XRCC3: variants seen among roughly 807,000 people sequenced by gnomAD.
XRCC3 encodes the protein X-ray repair cross complementing 3.
In XRCC3, 34 loss-of-function variants were observed where a neutral mutation model predicts 29.2. The ratio of observed to expected loss-of-function variants is 1.16; its 90% CI spans 0.88 to 1.55. XRCC3 has a LOEUF of 1.55. Among genes scored for constraint, XRCC3 ranks in the 40% most tolerant of loss-of-function variants. XRCC3 has a pLI of 0.00. For missense variants in XRCC3, 463 were observed against 467.6 expected (o/e 0.99, Z 0.09); for synonymous variants, 223 against 211.3 (o/e 1.06, Z -0.48).
intron 7 of XRCC3, chr14:103,700,743 T>C: frequency 6.4e-7 from 1 of 1,559,724 alleles, no homozygotes; most frequent in Non-Finnish European, 8.7e-7. Flanking sequence ...TCCCACGGCC[T>C]GCAGCCCCAG....
intron 4 of XRCC3, 118 bp downstream of exon 4, chr14:103,710,915 T>C: frequency 1.0e-6 from 1 of 991,312 alleles, no homozygotes; most frequent in East Asian, 2.6e-5. Flanking sequence ...CCGCCCTCGG[T>C]TTAATAATCA....
intron 7 of XRCC3, chr14:103,700,569 C>T: frequency 9.2e-7 from 1 of 1,091,474 alleles, no homozygotes; most frequent in Non-Finnish European, 1.4e-6. Context: ...TCTGCAGCCA[C>T]ACGCTGGTGT....
chr14:103,710,812 GATAAAA>G (rs936952047), intron 4 of XRCC3: 8 of 568,826 alleles, frequency 1.4e-5, no homozygotes, highest in African/African-American at 1.1e-4. Context: ...GTATTACTTT[GATAAAA>G]ATAAAAGTAA....
rs911927033 is a variant in XRCC3, at chr14:103,703,452, C to T, written c.407-125G>A. 1.7e-4 allele frequency: 201 copies of T among 1,189,336 alleles called. 1 individual carries two copies. The highest frequency in any genetic ancestry group is 8.0e-5 in the Admixed American group (4 of 50,210). The allele number at this position is 1,189,336 out of a possible 1,614,324, so 73.7% of individuals were successfully genotyped here. On this transcript the variant is annotated intron_variant, in intron 6 of 9. Transcript: ENST00000555055. ...TGCCCCTCACAGGTTCTTTGCCCCT[C>T]GCCTGGGGAGGGAGGAGGCTGGTGC...
rs2082787261 is a variant in XRCC3, at chr14:103,698,684, CTG to C, written c.*112_*113del. ...AAGTGGAGCCGCTGCCCTGGAAGAG[CTG>C]TGTCTGAACCAGGCTCCCAGCTGTG... is the stretch of plus-strand genomic sequence containing the variant. On this transcript the variant is annotated 3_prime_UTR_variant, in exon 10 of 10. Coordinates refer to ENST00000555055, the MANE Select transcript of XRCC3 (RefSeq NM_005432.4). 4.2e-6 allele frequency: 4 copies of C among 944,612 alleles called. No homozygotes were observed. Among genetic ancestry groups the C allele is most frequent in the African/African-American group, 1.6e-5 (1 of 61,204 alleles). 58.5% of individuals were successfully genotyped at this position (944,612 alleles called of 1,614,324 possible). A position where few individuals can be genotyped will look rare whatever the true frequency, so the allele number is the denominator to read the frequency against.
chr14:103,706,421 C>G, intron 6 of XRCC3: 1 of 456,022 alleles, frequency 2.2e-6, no homozygotes, highest in South Asian at 1.5e-5. Flanking sequence ...CATGTTGACA[C>G]CAGGGAATTA....
chr14:103,706,483 A>C, intron 6 of XRCC3: 2 of 438,636 alleles, frequency 4.6e-6, no homozygotes, highest in South Asian at 3.3e-5. Flanking sequence ...CACAGCTCAC[A>C]GTTTAAAACT....
At chr14:103,709,427 G>T (rs2083550117) in intron 4 of XRCC3, 1 of 155,062 alleles carries the variant, frequency 6.4e-6, no homozygotes, top group African/African-American at 2.4e-5. Flanking sequence ...GCCCCACCCG[G>T]CCACGGGGAC....
chr14:103,703,401 G>GAT (rs1309288742), intron 6 of XRCC3, 74 bp from the exon 7 acceptor site: 1 of 1,459,578 alleles, frequency 6.9e-7, no homozygotes, highest in Non-Finnish European at 9.3e-7. Context: ...ATCAAGTGCA[G>GAT]ATGTCTCCCG....
intron 7 of XRCC3, chr14:103,700,520 G>A: frequency 1.6e-6 from 1 of 623,982 alleles, no homozygotes; most frequent in Non-Finnish European, 2.7e-6. Flanking sequence ...CCAGATGGAG[G>A]CTGCTAAGGG....
At position 103,701,367 on chromosome 14, in the gene XRCC3, C is replaced by T. The variant is rs544256128; in HGVS notation, c.562-1791G>A. ...ATGATACTAATAACCACACGGCTGG[C>T]GTGACCTTGGGGCTGGGGCTGGGCC... On this transcript the variant is annotated intron_variant, in intron 7 of 9. Coordinates refer to ENST00000555055, the MANE Select transcript of XRCC3 (RefSeq NM_005432.4). The T allele has an allele frequency of 6.8e-4, 479 of 700,840 alleles. 9 individuals are homozygous for T. The South Asian group carries it at 9.8e-3, about 14-fold the overall frequency. 43.4% of individuals were successfully genotyped at this position (700,840 alleles called of 1,614,324 possible).
At position 103,706,603 on chromosome 14, in the gene XRCC3, G is replaced by A. The variant is rs993161565; in HGVS notation, c.406+400C>T. ...AGAGCGTACAGGCTCACGGGGCCGC[G>A]CCAGGAGCATACCTGGCCTGGCGGC... On this transcript the variant is annotated intron_variant, in intron 6 of 9. Transcript: ENST00000555055. 24 of 375,352 alleles carry A rather than the reference G, an allele frequency of 6.4e-5. No individual in the cohort carries two copies. In the East Asian group the frequency reaches 1.6e-3, roughly 24 times the overall value. 23.3% of individuals were successfully genotyped at this position (375,352 alleles called of 1,614,324 possible).
At chr14:103,710,657 T>C (rs1007509731) in intron 4 of XRCC3, 1 of 207,594 alleles carries the variant, frequency 4.8e-6, no homozygotes, top group Non-Finnish European at 9.8e-6. Context: ...AGGAGAATGG[T>C]GTGAACCCCG....
chr14:103,703,311 G>A lies in XRCC3; in HGVS notation c.423C>T (p.Cys141=), dbSNP rs200567298. Residue 141 remains cysteine (C), a synonymous_variant, in exon 7 of 10, where the codon TGC becomes TGT. Transcript: ENST00000555055. ...GCTTGTGCGGGAAGGCGTCTTCCGT[G>A]CAGATGTAGACGGCTCCTGGGAAGC... ...GGLEAGAVYI[C]TEDAFPHKRL... is the part of the protein sequence containing the mutation. 297 of 1,553,094 alleles carry A rather than the reference G, an allele frequency of 1.9e-4. No homozygotes were observed. Among genetic ancestry groups the A allele is most frequent in the Non-Finnish European group, 2.4e-4 (281 of 1,152,060 alleles).
At chr14:103,706,950 C>T (rs958536460) in intron 6 of XRCC3, 53 bp downstream of exon 6, 12 of 1,528,592 alleles carry the variant, frequency 7.9e-6, no homozygotes, top group Non-Finnish European at 9.6e-6. Context: ...CTGTCCCACA[C>T]AAAGCAGGGG....
At chr14:103,705,342 G>GT in intron 6 of XRCC3, 1 of 152,474 alleles carries the variant, frequency 6.6e-6, no homozygotes, top group Non-Finnish European at 1.5e-5. Flanking sequence ...CAAGCAGCGT[G>GT]TTTTTGTTGG....
chr14:103,712,045 A>T (rs1246735984), intron 2 of XRCC3: 3 of 326,538 alleles, frequency 9.2e-6, no homozygotes. Flanking sequence ...AGAATGCGGC[A>T]CTGGCCTGGA....
chr14:103,709,327 T>C (rs1467192507), intron 4 of XRCC3: 1 of 162,728 alleles, frequency 6.1e-6, no homozygotes, highest in Non-Finnish European at 1.4e-5. Context: ...AATTTCAAAC[T>C]TGTAGAAAGA....
rs200382220 is a variant in XRCC3, at chr14:103,698,847, G to C, written c.992C>G (p.Thr331Arg). Residue 331 changes from threonine to arginine, a missense_variant, in exon 10 of 10, where the codon ACG becomes AGG. Coordinates refer to ENST00000555055, the MANE Select transcript of XRCC3 (RefSeq NM_005432.4). ...CCCTCGCACCCCTTCGGCACTGATC[G>C]TGTAGGAACAGGAGGAGGGGGGCAG... is the stretch of plus-strand genomic sequence containing the variant. ...PHLPPSSCSY[T>R]ISAEGVRGTP... 5 of 1,607,420 alleles carry C rather than the reference G, an allele frequency of 3.1e-6. No individual in the cohort carries two copies. Among genetic ancestry groups the C allele is most frequent in the Non-Finnish European group, 4.2e-6 (5 of 1,177,616 alleles).
Sources: gnomAD v4.1 joint callset for allele counts on GRCh38, gnomAD v4.1.1 for gene constraint, MANE v1.5 for transcripts, NCBI Gene and HGNC (gene_info 2026-07-23, HGNC 2026-07-21) for gene names.